The following STAB2 variants were observed in gnomAD, a reference collection of about 807,000 sequenced individuals.
The protein encoded by STAB2 is stabilin 2.
In STAB2, 288 loss-of-function variants were observed where a neutral mutation model predicts 338.1. That is an observed-to-expected ratio of 0.85 (90% CI 0.77 to 0.94). The LOEUF (loss-of-function observed/expected upper bound fraction) is 0.94. STAB2 is among the 40% of genes least tolerant of loss of function. The probability of loss-of-function intolerance (pLI) is 0.00; values close to 1 mark genes in which losing one functional copy is unlikely to be tolerated. For missense variants in STAB2, 3,141 were observed against 3,210.1 expected (o/e 0.98, Z 0.52); for synonymous variants, 1,202 against 1,193.3 (o/e 1.01, Z -0.15).
chr12:103,596,475 A>G (rs900505787), intron 3 of STAB2, among the ~76,000 whole-genome samples: 1 of 152,180 alleles, frequency 6.6e-6, no homozygotes, highest in Non-Finnish European at 1.5e-5. Flanking sequence ...CATCTGTCAA[A>G]TGGGGGCTAA....
In STAB2 at chr12:103,712,438, G is replaced by T; in HGVS notation, c.4406G>T (p.Cys1469Phe). The T allele has an allele frequency of 6.2e-7, 1 of 1,613,182 alleles. No homozygotes were observed. Among genetic ancestry groups the T allele is most frequent in the Non-Finnish European group, 8.5e-7 (1 of 1,179,290 alleles). The part of the protein sequence containing the change: ...AAGFQGNGTI[C>F]TAINACEISN... ...GGATTCCAAGGAAACGGGACCATCT[G>T]CACAGGCAAGCGAAGGAAGGAATTT... The change falls in exon 41 of 69, where the codon TGC becomes TTC. Residue 1469 changes from cysteine to phenylalanine, a missense_variant. Physicochemically the swap from Cys to Phe is radical, Grantham distance 205. Coordinates refer to ENST00000388887, the MANE Select transcript of STAB2 (RefSeq NM_017564.10).
intron 66 of STAB2, among the ~76,000 whole-genome samples, chr12:103,761,702 T>A (rs1200629881): frequency 6.6e-6 from 1 of 152,158 alleles, no homozygotes; most frequent in Non-Finnish European, 1.5e-5. Flanking sequence ...AATCCTAAGC[T>A]ATGGTTTGGC....
At position 103,665,098 on chromosome 12, in the gene STAB2, T is replaced by A. The variant is rs377569464; in HGVS notation, c.2023-1193T>A. ...GAACTTCCTAATAGCTGCCTTAGAATGAACTCTTCCTTTACTAGTTTCTCT... is the reference window on the plus strand; with the variant it reads ...GAACTTCCTAATAGCTGCCTTAGAAAGAACTCTTCCTTTACTAGTTTCTCT... On this transcript the variant is annotated intron_variant, in intron 18 of 68. Transcript: ENST00000388887. Among the ~76,000 whole-genome samples the A allele has an allele frequency of 5.3e-5, 8 of 152,362 alleles. 1 individual carries two copies. The highest frequency in any genetic ancestry group is 1.7e-4 in the African/African-American group (7 of 41,578).
At chr12:103,704,762 T>G in intron 36 of STAB2, 148 bp downstream of exon 36, 1 of 691,080 alleles carries the variant, frequency 1.4e-6, no homozygotes, top group African/African-American at 1.8e-5. Flanking sequence ...ATATGCATCT[T>G]TGTAAAATCT....
At chr12:103,632,712 G>A (rs1957482505) in intron 6 of STAB2, among the ~76,000 whole-genome samples, 1 of 152,194 alleles carries the variant, frequency 6.6e-6, no homozygotes, top group South Asian at 2.1e-4. Context: ...GGAACACGCA[G>A]CAGCAGCAGC....
rs370334283 is a variant in STAB2, at chr12:103,726,159, T to C, written c.4847T>C (p.Leu1616Ser). 4.3e-6 allele frequency: 7 copies of C among 1,613,898 alleles called. No homozygotes were observed. Among genetic ancestry groups the C allele is most frequent in the Non-Finnish European group, 5.9e-6 (7 of 1,179,834 alleles). Residue 1616 changes from leucine to serine, a missense_variant, in exon 46 of 69, where the codon TTG (leucine) becomes TCG (serine). Coordinates refer to ENST00000388887, the MANE Select transcript of STAB2 (RefSeq NM_017564.10). The stretch of plus-strand genomic sequence containing the variant: ...AAAACTTCCCAGTATTTCTTCCAGT[T>C]GCAGGTAGGAAATATACATGTCTGT... ...NPKTSQYFFQLQEHFVKDLVG... is the reference protein window; with the variant it reads ...NPKTSQYFFQSQEHFVKDLVG...
At chr12:103,590,429 C>T (rs1246947128) in intron 1 of STAB2, among the ~76,000 whole-genome samples, 2 of 152,224 alleles carry the variant, frequency 1.3e-5, no homozygotes, top group Non-Finnish European at 2.9e-5. Flanking sequence ...ACGGCACTGG[C>T]ACAGTGCTGG....
At chr12:103,737,572 G>A in intron 52 of STAB2, 62 bp from the exon 53 acceptor site, 2 of 1,233,168 alleles carry the variant, frequency 1.6e-6, no homozygotes, top group Non-Finnish European at 2.2e-6. Flanking sequence ...GAGATTGACT[G>A]TTTCTCTCTC....
intron 15 of STAB2, among the ~76,000 whole-genome samples, chr12:103,660,083 C>T (rs956920937): frequency 2.6e-5 from 4 of 152,158 alleles, no homozygotes; most frequent in African/African-American, 9.7e-5. Flanking sequence ...AATAGGAGTC[C>T]CCACCTCACA....
chr12:103,688,277 T>C (rs909024598), intron 28 of STAB2, 62 bp downstream of exon 28: 8 of 1,548,730 alleles, frequency 5.2e-6, no homozygotes, highest in Non-Finnish European at 7.1e-6. Flanking sequence ...TTGGAATGCA[T>C]ACAATAGAAA....
At chr12:103,748,897 C>G in intron 58 of STAB2, 66 bp from the exon 59 acceptor site, 1 of 1,543,848 alleles carries the variant, frequency 6.5e-7, no homozygotes, top group South Asian at 1.2e-5. Context: ...GTGCCCCATA[C>G]CCTGACCTGA....
intron 23 of STAB2, 143 bp downstream of exon 23, chr12:103,674,230 G>C: frequency 1.0e-6 from 1 of 996,076 alleles, no homozygotes; most frequent in Non-Finnish European, 1.4e-6. Context: ...AGCTGACAGT[G>C]TGGTGTTTGT....
intron 40 of STAB2, among the ~76,000 whole-genome samples, chr12:103,711,799 C>T (rs962649192): frequency 1.1e-4 from 16 of 152,298 alleles, no homozygotes; most frequent in Middle Eastern, 3.4e-3. Flanking sequence ...TGAGGAAACC[C>T]AGTGGGCCTC....
Position 103,669,574 on chromosome 12 carries a change from G to A in STAB2, c.2206G>A (p.Asp736Asn). ...GTGCTGCAAAGGCTTCTATGGACCTGACTGCAACCAGTGTCCAGGAGGCTT... is the reference window on the plus strand; with the variant it reads ...GTGCTGCAAAGGCTTCTATGGACCTAACTGCAACCAGTGTCCAGGAGGCTT... ...PKCCKGFYGP[D>N]CNQCPGGFSN... is the part of the protein sequence containing the mutation. The change falls in exon 21 of 69, where the codon GAC (aspartate) becomes AAC (asparagine). Residue 736 changes from aspartate to asparagine, a missense_variant. Physicochemically the swap from Asp to Asn is conservative, Grantham distance 23 (BLOSUM62 1). Transcript: ENST00000388887. 6.2e-7 allele frequency: 1 copy of A among 1,614,180 alleles called. No individual in the cohort carries two copies. Among genetic ancestry groups the A allele is most frequent in the Non-Finnish European group, 8.5e-7 (1 of 1,180,028 alleles).
At chr12:103,640,384 G>T in intron 9 of STAB2, 128 bp downstream of exon 9, 2 of 1,203,414 alleles carry the variant, frequency 1.7e-6, no homozygotes, top group Non-Finnish European at 2.3e-6. Flanking sequence ...ACCCCACATA[G>T]TAGGAGCAAG....
intron 2 of STAB2, among the ~76,000 whole-genome samples, chr12:103,592,875 T>C (rs1956820907): frequency 6.6e-6 from 1 of 152,168 alleles, no homozygotes; most frequent in African/African-American, 2.4e-5. Context: ...CAACCACCAT[T>C]CCACTCTATT....
chr12:103,597,624 T>C (rs1029535913), intron 3 of STAB2, among the ~76,000 whole-genome samples: 6 of 152,226 alleles, frequency 3.9e-5, no homozygotes, highest in African/African-American at 1.4e-4. Context: ...TGTAACCTGC[T>C]TCTCCCTAAT....
Position 103,587,435 on chromosome 12 carries a change from C to G in STAB2, c.-42C>G. On this transcript the variant is annotated 5_prime_UTR_variant, in exon 1 of 69. Coordinates refer to ENST00000388887, the MANE Select transcript of STAB2 (RefSeq NM_017564.10). ...AACTAAGTTAAAATAGCTAAGTCAG[C>G]CTGACAGGTGCTTGGCACAGAGAAG... The G allele has an allele frequency of 6.5e-7, 1 of 1,530,952 alleles. No individual in the cohort carries two copies. The highest frequency in any genetic ancestry group is 9.0e-7 in the Non-Finnish European group (1 of 1,110,218). The allele number at this position is 1,530,952 out of a possible 1,614,324, so 94.8% of individuals were successfully genotyped here.
At chr12:103,657,179 A>C (rs1874253579) in intron 15 of STAB2, among the ~76,000 whole-genome samples, 1 of 151,682 alleles carries the variant, frequency 6.6e-6, no homozygotes, top group Non-Finnish European at 1.5e-5. Context: ...TATTGCAGAA[A>C]ACTGCTAGAC....
Sources: gnomAD v4.1 joint callset for allele counts (sites outside exome capture counted in the v4.1 genomes callset) on GRCh38, gnomAD v4.1.1 for gene constraint, MANE v1.5 for transcripts, NCBI Gene and HGNC (gene_info 2026-07-23, HGNC 2026-07-21) for gene names.